GRAMD1B: variants seen among roughly 807,000 people sequenced by gnomAD.
GRAMD1B encodes the protein protein Aster-B.
Under a neutral mutation model 99.7 loss-of-function variants are expected in GRAMD1B, and 37 were observed. That is an observed-to-expected ratio of 0.37 (90% CI 0.29 to 0.49). The LOEUF (loss-of-function observed/expected upper bound fraction) is 0.49. Ranked by LOEUF, GRAMD1B falls within the 20% of genes least tolerant of loss-of-function variation. The pLI is 0.98. For synonymous variants in GRAMD1B, 427 were observed against 387.6 expected, an observed-to-expected ratio of 1.10 and a Z score of -1.19; for missense variants, 888 against 1,009.2, an observed-to-expected ratio of 0.88 and a Z score of 1.63.
At chr11:123,538,536 C>G (rs1944188331) in intron 2 of GRAMD1B, among the ~76,000 whole-genome samples, 1 of 152,156 alleles carries the variant, frequency 6.6e-6, no homozygotes, top group Non-Finnish European at 1.5e-5. Context: ...AGCTAGCAGT[C>G]CCTTACTCAC....
chr11:123,503,154 T>C (rs1454641833), intron 2 of GRAMD1B, among the ~76,000 whole-genome samples: 1 of 152,216 alleles, frequency 6.6e-6, no homozygotes, highest in Non-Finnish European at 1.5e-5. Context: ...AGCCTGGCAA[T>C]AGGACATTTG....
intron 1 of GRAMD1B, among the ~76,000 whole-genome samples, chr11:123,413,515 T>TA (rs1948123990): frequency 6.6e-6 from 1 of 151,334 alleles, no homozygotes; most frequent in Non-Finnish European, 1.5e-5. Context: ...TGCCCATATT[T>TA]TTTTTTTAAT....
chr11:123,616,815 T>C (rs1954463466), intron 17 of GRAMD1B, among the ~76,000 whole-genome samples: 1 of 152,186 alleles, frequency 6.6e-6, no homozygotes, highest in Admixed American at 6.5e-5. Context: ...CAGAGAGGAT[T>C]GCAAACATAA....
chr11:123,365,647 G>A (rs138130588), intron 1 of GRAMD1B, among the ~76,000 whole-genome samples: 39 of 152,246 alleles, frequency 2.6e-4, no homozygotes, highest in Non-Finnish European at 4.6e-4. Flanking sequence ...CAAGCATCTC[G>A]CTGCAGTTGA....
At chr11:123,528,836 G>C (rs1375186685) in intron 2 of GRAMD1B, among the ~76,000 whole-genome samples, 1 of 152,138 alleles carries the variant, frequency 6.6e-6, no homozygotes, top group Non-Finnish European at 1.5e-5. Context: ...TAGGGAAATG[G>C]AGGCACAGAG....
chr11:123,581,485 T>C (rs1368329870), intron 3 of GRAMD1B, among the ~76,000 whole-genome samples: 2 of 152,190 alleles, frequency 1.3e-5, no homozygotes, highest in East Asian at 3.9e-4. Context: ...TTTCCGGGAA[T>C]GCAGAACCAC....
intron 2 of GRAMD1B, among the ~76,000 whole-genome samples, chr11:123,519,216 A>G (rs1941962221): frequency 6.6e-6 from 1 of 152,200 alleles, no homozygotes; most frequent in African/African-American, 2.4e-5. Context: ...ATAGGCTAGA[A>G]GGCGAGGCCA....
chr11:123,552,402 G>A (rs148018339), intron 2 of GRAMD1B, among the ~76,000 whole-genome samples: 728 of 151,032 alleles, frequency 4.8e-3, no homozygotes, highest in Middle Eastern at 0.01. Context: ...AGCCTCCCCA[G>A]TAGCTGGGAT....
rs1035397886 is a variant in GRAMD1B at position 123,610,540 on chromosome 11, T to G, written c.1919+202T>G. 6.6e-6 allele frequency among the ~76,000 whole-genome samples: 1 copy of G among 152,216 alleles called. No individual in the cohort carries two copies. The highest frequency in any genetic ancestry group is 6.5e-5 in the Admixed American group (1 of 15,284). ...CTCTCCACTCTCTACATCTTGTTAGTAAAACTTGTATAGCTACTACTATTT... is the reference window on the plus strand; with the variant it reads ...CTCTCCACTCTCTACATCTTGTTAGGAAAACTTGTATAGCTACTACTATTT... On this transcript the variant is annotated intron_variant, in intron 14 of 19. Coordinates refer to ENST00000635736, the MANE Select transcript of GRAMD1B (RefSeq NM_001387025.1). The surrounding 1 kb of genome is among the most constrained non-coding windows in gnomAD (Gnocchi z 4.1).
At chr11:123,475,659 T>A (rs934741313) in intron 1 of GRAMD1B, among the ~76,000 whole-genome samples, 2 of 152,212 alleles carry the variant, frequency 1.3e-5, no homozygotes, top group Non-Finnish European at 2.9e-5. Context: ...TTCCAAATCC[T>A]AGTTTAGAGT....
chr11:123,423,027 T>C (rs1248093895), intron 1 of GRAMD1B, among the ~76,000 whole-genome samples: 1 of 152,174 alleles, frequency 6.6e-6, no homozygotes, highest in Non-Finnish European at 1.5e-5. Context: ...GCAATAATCA[T>C]TTTTCATAAA....
chr11:123,513,953 C>T (rs1470513970), intron 2 of GRAMD1B, among the ~76,000 whole-genome samples: 1 of 152,074 alleles, frequency 6.6e-6, no homozygotes, highest in Non-Finnish European at 1.5e-5. Flanking sequence ...ACTGTGCTGG[C>T]AAGAGTTTTT....
At chr11:123,481,121 C>T (rs544188663) in intron 2 of GRAMD1B, among the ~76,000 whole-genome samples, 1 of 152,198 alleles carries the variant, frequency 6.6e-6, no homozygotes, top group African/African-American at 2.4e-5. Flanking sequence ...TTGTGTTCAG[C>T]AAAAGAAGTC....
chr11:123,413,961 A>G (rs1291564845), intron 1 of GRAMD1B, among the ~76,000 whole-genome samples: 1 of 152,150 alleles, frequency 6.6e-6, no homozygotes, highest in East Asian at 1.9e-4. Flanking sequence ...TCTAATGAAA[A>G]CACGTGGCTA....
intron 1 of GRAMD1B, among the ~76,000 whole-genome samples, chr11:123,393,123 G>C (rs1023879904): frequency 1.3e-5 from 2 of 152,066 alleles, no homozygotes; most frequent in Non-Finnish European, 2.9e-5. Context: ...ATGCTAGAAG[G>C]GACATTGAAG....
At chr11:123,378,700 G>A (rs1946772645) in intron 1 of GRAMD1B, among the ~76,000 whole-genome samples, 1 of 152,184 alleles carries the variant, frequency 6.6e-6, no homozygotes, top group African/African-American at 2.4e-5. Flanking sequence ...AGGGTTGAGT[G>A]TTATGCAGAA....
chr11:123,383,592 G>A (rs1040341783), intron 1 of GRAMD1B, among the ~76,000 whole-genome samples: 4 of 151,840 alleles, frequency 2.6e-5, no homozygotes, highest in African/African-American at 7.3e-5. Flanking sequence ...CTGGGCTGTC[G>A]GTCACACCTA....
chr11:123,566,371 G>A (rs930957514), intron 2 of GRAMD1B, among the ~76,000 whole-genome samples: 4 of 152,180 alleles, frequency 2.6e-5, no homozygotes, highest in African/African-American at 9.7e-5. Flanking sequence ...GCTAGAAAAA[G>A]GACTTAAAGG....
At chr11:123,485,046 T>G (rs1285473781) in intron 2 of GRAMD1B, among the ~76,000 whole-genome samples, 1 of 152,176 alleles carries the variant, frequency 6.6e-6, no homozygotes, top group Non-Finnish European at 1.5e-5. Flanking sequence ...GAGGCCTCCC[T>G]GCAGTCATCT....
Sources: allele counts gnomAD v4.1 joint callset (sites outside exome capture counted in the v4.1 genomes callset), GRCh38; gene constraint gnomAD v4.1.1; non-coding constraint Gnocchi (gnomAD v3.1); transcripts MANE v1.5; gene names NCBI Gene and HGNC (gene_info 2026-07-23, HGNC 2026-07-21).